Variants in GALNT9 observed in about 807,000 individuals in gnomAD.
The protein encoded by GALNT9 is polypeptide N-acetylgalactosaminyltransferase 9, also known as GalNAc transferase 9.
Under a neutral mutation model 63.1 loss-of-function variants are expected in GALNT9, and 47 were observed. The ratio of observed to expected loss-of-function variants is 0.75; its 90% confidence interval spans 0.59 to 0.95. The LOEUF (loss-of-function observed/expected upper bound fraction) is 0.95. Ranked by LOEUF, GALNT9 falls within the 40% of genes least tolerant of loss-of-function variation. The pLI is 0.00. For missense variants in GALNT9, 829 were observed against 874.8 expected (o/e 0.95, Z 0.66); for synonymous variants, 396 against 365.7 (o/e 1.08, Z -0.94).
rs1401451775 is a variant in GALNT9, at chr12:132,310,007, G to A, written c.238+18959C>T. Reference sequence around the variant, plus strand: ...GACCAACACCCAGTCAGCAAGACTCGAGTGGAACTTGCTGGGTGGAATTTC... The same window carrying A: ...GACCAACACCCAGTCAGCAAGACTCAAGTGGAACTTGCTGGGTGGAATTTC... On this transcript the variant is annotated intron_variant, in intron 1 of 10. Coordinates refer to ENST00000328957, the MANE Select transcript of GALNT9 (RefSeq NM_001122636.2). This position sits in a 1 kb window ranked among gnomAD's most constrained non-coding sequence, Gnocchi z 4.8. Among the ~76,000 whole-genome samples, 3 of 152,244 alleles carry A rather than the reference G, an allele frequency of 2.0e-5. No homozygotes were observed. Among genetic ancestry groups the A allele is most frequent in the East Asian group, 1.9e-4 (1 of 5,202 alleles).
intron 1 of GALNT9, among the ~76,000 whole-genome samples, chr12:132,308,610 G>T (rs370777053): frequency 6.6e-6 from 1 of 152,168 alleles, no homozygotes; most frequent in Admixed American, 6.5e-5. Flanking sequence ...ACCCTCGACC[G>T]CCAGGGCTTT....
rs1183417998 is a variant in GALNT9, at chr12:132,216,135, G to A, written c.1078-12445C>T. Among the ~76,000 whole-genome samples the A allele has an allele frequency of 2.0e-5, 3 of 152,116 alleles. No individual in the cohort carries two copies. The East Asian group carries it at 5.8e-4, about 29-fold the overall frequency. Reference sequence around the variant, plus strand: ...AGAGACACAGAAACAGAGACAGAAAGATACAGAGACACAGAGATGGAGAGA... The same window carrying A: ...AGAGACACAGAAACAGAGACAGAAAAATACAGAGACACAGAGATGGAGAGA... On this transcript the variant is annotated intron_variant, in intron 6 of 10. Transcript: ENST00000328957.
chr12:132,322,509 C>T (rs373835617), intron 1 of GALNT9, among the ~76,000 whole-genome samples: 235 of 152,370 alleles, frequency 1.5e-3, no homozygotes, highest in African/African-American at 5.2e-3. Context: ...CATCCCCGTC[C>T]GTGACTCAGT....
In GALNT9 at chr12:132,286,239, C is replaced by T; in HGVS notation, c.419+11G>A. On this transcript the variant is annotated intron_variant, in intron 2 of 10. Coordinates refer to ENST00000328957, the MANE Select transcript of GALNT9 (RefSeq NM_001122636.2). The surrounding 1 kb of genome is among the most constrained non-coding windows in gnomAD (Gnocchi z 7.4). ...CGGGCGTCGGGGGATGGGGGGCAGT[C>T]ACTCACTCACTTTCTGGGCCGGTAG... 7 of 1,545,582 alleles carry T rather than the reference C, an allele frequency of 4.5e-6. No homozygotes were observed. Among genetic ancestry groups the T allele is most frequent in the South Asian group, 1.2e-5 (1 of 83,646 alleles).
At chr12:132,313,819 C>CACTT (rs1881916025) in intron 1 of GALNT9, among the ~76,000 whole-genome samples, 1 of 102,416 alleles carries the variant, frequency 9.8e-6, no homozygotes. Flanking sequence ...CCCATCCACC[C>CACTT]ACCCAGCCAC....
intron 1 of GALNT9, among the ~76,000 whole-genome samples, chr12:132,304,574 C>G (rs1440966870): frequency 2.7e-5 from 1 of 37,592 alleles, no homozygotes; most frequent in African/African-American, 1.3e-4. Context: ...CCGGGGCACA[C>G]CCTCGCCCGG....
Position 132,286,372 on chromosome 12 carries a change from C to T in GALNT9, c.297G>A (p.Leu99=). Residue 99 remains leucine, a synonymous_variant, in exon 2 of 11, where the codon TTG becomes TTA. Coordinates refer to ENST00000328957, the MANE Select transcript of GALNT9 (RefSeq NM_001122636.2). This position sits in a 1 kb window ranked among gnomAD's most constrained non-coding sequence, Gnocchi z 7.4. The part of the protein sequence containing the change: ...EGPGGLGQGG[L]AATLRDDGQE... ...GGCCGTCATCACGCAGGGTGGCCGCCAAGCCACCCTGGCCCAGGCCTCCTG... is the reference window on the plus strand; with the variant it reads ...GGCCGTCATCACGCAGGGTGGCCGCTAAGCCACCCTGGCCCAGGCCTCCTG... The T allele has an allele frequency of 6.4e-7, 1 of 1,550,876 alleles. No homozygotes were observed. Among genetic ancestry groups the T allele is most frequent in the Non-Finnish European group, 8.7e-7 (1 of 1,146,854 alleles).
rs1403247928 is a variant in GALNT9, at chr12:132,327,540, G to A, written c.238+1426C>T. Among the ~76,000 whole-genome samples, 1 of 152,272 alleles carries A rather than the reference G, an allele frequency of 6.6e-6. No homozygotes were observed. Among genetic ancestry groups the A allele is most frequent in the East Asian group, 1.9e-4 (1 of 5,174 alleles). On this transcript the variant is annotated intron_variant, in intron 1 of 10. Coordinates refer to ENST00000328957, the MANE Select transcript of GALNT9 (RefSeq NM_001122636.2). This position sits in a 1 kb window ranked among gnomAD's most constrained non-coding sequence, Gnocchi z 4.3. Reference sequence around the variant, plus strand: ...AAAACAGACCATAACACCATGGCGAGCACACTTCAATAGAGCCATGTGCTA... The same window carrying A: ...AAAACAGACCATAACACCATGGCGAACACACTTCAATAGAGCCATGTGCTA...
chr12:132,271,909 A>G (rs1593096996), intron 2 of GALNT9, among the ~76,000 whole-genome samples: 1 of 152,140 alleles, frequency 6.6e-6, no homozygotes, highest in East Asian at 1.9e-4. Context: ...GTGGGGCCAC[A>G]CGTGTTCTCA....
In GALNT9 at chr12:132,222,501, C is replaced by T. The variant is rs1348889260; in HGVS notation, c.1078-18811G>A. Reference sequence around the variant, plus strand: ...AATGAAGCCAGACCAACAGGGAAAGCGCTTGGTCACACACGCAGTTTCTGC... The same window carrying T: ...AATGAAGCCAGACCAACAGGGAAAGTGCTTGGTCACACACGCAGTTTCTGC... On this transcript the variant is annotated intron_variant, in intron 6 of 10. Transcript: ENST00000328957. Among the ~76,000 whole-genome samples, 6 of 152,188 alleles carry T rather than the reference C, an allele frequency of 3.9e-5. No individual in the cohort carries two copies. The South Asian group carries it at 6.2e-4, about 16-fold the overall frequency.
At chr12:132,313,021 T>C (rs1377892793) in intron 1 of GALNT9, among the ~76,000 whole-genome samples, 1 of 151,712 alleles carries the variant, frequency 6.6e-6, no homozygotes, top group Non-Finnish European at 1.5e-5. Context: ...CTCTATAGAG[T>C]CTCCTACTAT....
Position 132,245,965 on chromosome 12 carries a change from C to A in GALNT9, c.1077+1945G>T, listed in dbSNP as rs1056031431. On this transcript the variant is annotated intron_variant, in intron 6 of 10. Coordinates refer to ENST00000328957, the MANE Select transcript of GALNT9 (RefSeq NM_001122636.2). This position sits in a 1 kb window ranked among gnomAD's most constrained non-coding sequence, Gnocchi z 6.3. ...CGGCCTCGGTGGTGGCTGCGCACTG[C>A]CGGTCCCCGGCACCCTCCCCAGGCT... Among the ~76,000 whole-genome samples, 7 of 152,278 alleles carry A rather than the reference C, an allele frequency of 4.6e-5. No homozygotes were observed. In the South Asian group the frequency reaches 1.0e-3, roughly 23 times the overall value.
intron 8 of GALNT9, chr12:132,200,833 G>A: frequency 2.3e-6 from 1 of 430,644 alleles, no homozygotes; most frequent in African/African-American, 2.0e-5. Context: ...TGCCTCTAGG[G>A]AGGTCCATGT....
intron 5 of GALNT9, among the ~76,000 whole-genome samples, chr12:132,251,984 C>T (rs974474354): frequency 1.3e-5 from 2 of 152,238 alleles, no homozygotes; most frequent in Non-Finnish European, 2.9e-5. Context: ...TCCTTCCTGC[C>T]GTTCTCCCAC....
chr12:132,202,028 T>G (rs1349402455), intron 7 of GALNT9, among the ~76,000 whole-genome samples: 1 of 152,228 alleles, frequency 6.6e-6, no homozygotes, highest in Non-Finnish European at 1.5e-5. Flanking sequence ...CTTCACGGCC[T>G]GGGCTTGAAT....
rs1163572971 is a variant in GALNT9 at position 132,252,725 on chromosome 12, CA to C, written c.960-4699del. 6.6e-6 allele frequency among the ~76,000 whole-genome samples: 1 copy of C among 151,554 alleles called. No individual in the cohort carries two copies. Among genetic ancestry groups the C allele is most frequent in the Non-Finnish European group, 1.5e-5 (1 of 67,836 alleles). On this transcript the variant is annotated intron_variant, in intron 5 of 10. Transcript: ENST00000328957. This position sits in a 1 kb window ranked among gnomAD's most constrained non-coding sequence, Gnocchi z 5.2. ...GAAACCCCGTCTCTACTAAAAATAC[CA>C]AAAAAAATTAGCCAGGCGTGCTGGC...
At chr12:132,222,941 ACACCACACAACTCACACC>A (rs1395767374) in intron 6 of GALNT9, among the ~76,000 whole-genome samples, 3 of 113,210 alleles carry the variant, frequency 2.6e-5, no homozygotes, top group Non-Finnish European at 5.6e-5. Context: ...CACCCCACAC[ACACCACACAACTCACACC>A]CCACACAACC....
rs537557027 is a variant in GALNT9 at position 132,203,438 on chromosome 12, A to C, written c.1263+67T>G. 7.8e-5 allele frequency: 119 copies of C among 1,522,886 alleles called. No individual in the cohort carries two copies. The African/African-American group carries it at 1.6e-3, about 20-fold the overall frequency. 94.3% of individuals were successfully genotyped at this position (1,522,886 alleles called of 1,614,324 possible). A position where few individuals can be genotyped will look rare whatever the true frequency, so the allele number is the denominator to read the frequency against. ...GCCCTAGGGGGCCTCCCTCCGGCCC[A>C]GCCCTGCCGTGGCATTGACCCCGAC... On this transcript the variant is annotated intron_variant, in intron 7 of 10. Coordinates refer to ENST00000328957, the MANE Select transcript of GALNT9 (RefSeq NM_001122636.2).
In GALNT9 at chr12:132,261,055, G is replaced by T; in HGVS notation, c.654C>A (p.Arg218=). The part of the protein sequence containing the change: ...KRYPGLVKIV[R]NSRREGLIRA... ...GGATCAGTCCTTCCCGCCGGCTGTT[G>T]CGGACAATCTTCACGAGGCCTGGGT... Residue 218 remains arginine (R), a synonymous_variant, in exon 4 of 11, where the codon CGC becomes CGA. Transcript: ENST00000328957. The T allele has an allele frequency of 6.4e-7, 1 of 1,551,556 alleles. No homozygotes were observed. Among genetic ancestry groups the T allele is most frequent in the Non-Finnish European group, 8.7e-7 (1 of 1,146,988 alleles).
Sources: gnomAD v4.1 joint callset for allele counts (sites outside exome capture counted in the v4.1 genomes callset) on GRCh38, gnomAD v4.1.1 for gene constraint, Gnocchi (gnomAD v3.1) non-coding constraint, MANE v1.5 for transcripts, NCBI Gene and HGNC (gene_info 2026-07-23, HGNC 2026-07-21) for gene names.